Variants in RNF216 observed in about 807,000 individuals in gnomAD.
The protein encoded by RNF216 is E3 ubiquitin-protein ligase RNF216.
A neutral mutation model predicts 110.8 loss-of-function variants in RNF216; 72 were observed. The ratio of observed to expected loss-of-function variants is 0.65; its 90% CI spans 0.54 to 0.79. RNF216 has a LOEUF of 0.79. Among genes scored for constraint, RNF216 ranks in the 30% least tolerant of loss-of-function variants. RNF216 has a pLI of 0.00. For missense variants in RNF216, 1,342 were observed against 1,141.2 expected, an observed-to-expected ratio of 1.18 and a Z score of -2.54; for synonymous variants, 495 against 407.5, an observed-to-expected ratio of 1.21 and a Z score of -2.59.
chr7:5,710,613 A>G (rs777334833), intron 13 of RNF216, among the ~76,000 whole-genome samples: 1 of 152,158 alleles, frequency 6.6e-6, no homozygotes, highest in Non-Finnish European at 1.5e-5. Context: ...TCCCCACCTC[A>G]GGACAGTGTG....
At chr7:5,694,149 G>C (rs976098417) in intron 13 of RNF216, among the ~76,000 whole-genome samples, 1 of 152,174 alleles carries the variant, frequency 6.6e-6, no homozygotes. Flanking sequence ...GAGAAAAGAA[G>C]AATCCAGAAA....
chr7:5,692,406 T>C (rs1440179046), intron 13 of RNF216, among the ~76,000 whole-genome samples: 1 of 152,228 alleles, frequency 6.6e-6, no homozygotes, highest in East Asian at 1.9e-4. Flanking sequence ...AACCCATCCT[T>C]GTTAGTCAGA....
At chr7:5,690,248 A>G (rs1166374335) in intron 13 of RNF216, among the ~76,000 whole-genome samples, 1 of 151,424 alleles carries the variant, frequency 6.6e-6, no homozygotes, top group Non-Finnish European at 1.5e-5. Flanking sequence ...AATCTCTTGC[A>G]CACAGGAAGC....
intron 13 of RNF216, among the ~76,000 whole-genome samples, chr7:5,656,083 A>G (rs1011932648): frequency 6.6e-6 from 1 of 152,148 alleles, no homozygotes; most frequent in East Asian, 1.9e-4. Flanking sequence ...AGCCTGGGCA[A>G]CATGGTCAAA....
chr7:5,732,456 C>T (rs968185550), intron 5 of RNF216, among the ~76,000 whole-genome samples: 1 of 152,114 alleles, frequency 6.6e-6, no homozygotes, highest in African/African-American at 2.4e-5. Flanking sequence ...CTTGAAAAAA[C>T]AAAACATGTT....
At chr7:5,664,075 G>T (rs1313372469) in intron 13 of RNF216, among the ~76,000 whole-genome samples, 1 of 152,166 alleles carries the variant, frequency 6.6e-6, no homozygotes, top group African/African-American at 2.4e-5. Flanking sequence ...CCTAGCACTA[G>T]ATTTGAGCGG....
chr7:5,664,791 ATTC>A (rs1218173245), intron 13 of RNF216, among the ~76,000 whole-genome samples: 1 of 152,132 alleles, frequency 6.6e-6, no homozygotes, highest in Non-Finnish European at 1.5e-5. Flanking sequence ...GACACACAAA[ATTC>A]TTTTTTTTCT....
Position 5,741,602 on chromosome 7 carries a change from G to T in RNF216, c.415C>A (p.Pro139Thr), listed in dbSNP as rs1321587830. 1.2e-6 allele frequency: 2 copies of T among 1,613,966 alleles called. No individual in the cohort carries two copies. The highest frequency in any genetic ancestry group is 1.7e-6 in the Non-Finnish European group (2 of 1,180,030). ...TTAGTGAATTCAGAGATTCCAGGAG[G>T]CCCAAGATCCAGAAATTCACCGTAG... Reference protein sequence around the residue: ...DDYGEFLDLGPPGISEFTKPS... With the variant: ...DDYGEFLDLGTPGISEFTKPS... The change falls in exon 4 of 17, where the codon CCT becomes ACT. Residue 139 changes from proline to threonine, a missense_variant. Pro to Thr is a conservative substitution (Grantham distance 38). Transcript: ENST00000389902.
intron 5 of RNF216, among the ~76,000 whole-genome samples, chr7:5,735,547 A>G (rs1794345975): frequency 6.6e-6 from 1 of 150,702 alleles, no homozygotes; most frequent in South Asian, 2.1e-4. Flanking sequence ...ACGGTAGATG[A>G]GTTAAAAGGA....
intron 5 of RNF216, among the ~76,000 whole-genome samples, chr7:5,734,825 A>AAAATAAATAAATGAAT: frequency 8.5e-6 from 1 of 118,096 alleles, no homozygotes; most frequent in East Asian, 2.8e-4. Context: ...ACTCTCTCTC[A>AAAATAAATAAATGAAT]AAATAAATAA....
At chr7:5,627,640 G>A (rs1786793597) in intron 15 of RNF216, among the ~76,000 whole-genome samples, 1 of 151,960 alleles carries the variant, frequency 6.6e-6, no homozygotes. Flanking sequence ...CCAGCTACTC[G>A]GGAGGCTGAG....
chr7:5,758,796 G>C (rs532488418), intron 2 of RNF216, among the ~76,000 whole-genome samples: 2 of 152,266 alleles, frequency 1.3e-5, no homozygotes, highest in South Asian at 2.1e-4. Flanking sequence ...GAAGGGACTA[G>C]ACTTGTCACA....
At chr7:5,673,213 T>C (rs771813185) in intron 13 of RNF216, among the ~76,000 whole-genome samples, 10 of 152,148 alleles carry the variant, frequency 6.6e-5, no homozygotes, top group Non-Finnish European at 1.2e-4. Context: ...TCAGTGGTTA[T>C]TGAGATTCTT....
At chr7:5,631,623 CCTCTT>C (rs1332222455) in intron 15 of RNF216, among the ~76,000 whole-genome samples, 1 of 152,032 alleles carries the variant, frequency 6.6e-6, no homozygotes, top group Non-Finnish European at 1.5e-5. Context: ...CTCTTTCTGG[CCTCTT>C]CTCGTCACAA....
At chr7:5,708,514 C>G (rs369892501) in intron 13 of RNF216, among the ~76,000 whole-genome samples, 3 of 152,086 alleles carry the variant, frequency 2.0e-5, no homozygotes. Flanking sequence ...ATTCAAGTAC[C>G]CATACAATCA....
intron 1 of RNF216, among the ~76,000 whole-genome samples, chr7:5,776,127 T>C (rs988897202): frequency 2.0e-5 from 3 of 152,128 alleles, no homozygotes; most frequent in African/African-American, 7.2e-5. Flanking sequence ...CATATCCATA[T>C]GTGAAAGCTG....
chr7:5,679,668 C>A, intron 13 of RNF216, among the ~76,000 whole-genome samples: 1 of 152,318 alleles, frequency 6.6e-6, no homozygotes, highest in Non-Finnish European at 1.5e-5. Flanking sequence ...GAGAGAATAG[C>A]CCTGTCATGG....
chr7:5,707,069 G>A (rs181622667), intron 13 of RNF216, among the ~76,000 whole-genome samples: 4 of 152,322 alleles, frequency 2.6e-5, no homozygotes, highest in African/African-American at 9.6e-5. Context: ...CACCCTTGTT[G>A]AAGATCAGCT....
chr7:5,716,740 C>G lies in RNF216; in HGVS notation c.1671G>C (p.Gln557His). The change falls in exon 10 of 17, where the codon CAG becomes CAC. Residue 557 changes from glutamine to histidine, a missense_variant. Coordinates refer to ENST00000389902, the MANE Select transcript of RNF216 (RefSeq NM_207111.4). ...CCTTTTGATACTGTTCTTCATTCAT[C>G]TGTAGGGCAAGCAAAAAGTCTTCAT... ...AEHEDFLLALQMNEEQYQKDG... is the reference protein window; with the variant it reads ...AEHEDFLLALHMNEEQYQKDG... The G allele has an allele frequency of 6.2e-7, 1 of 1,606,964 alleles. No individual in the cohort carries two copies. Among genetic ancestry groups the G allele is most frequent in the Non-Finnish European group, 8.5e-7 (1 of 1,176,254 alleles).
Sources: gnomAD v4.1 joint callset for allele counts (sites outside exome capture counted in the v4.1 genomes callset) on GRCh38, gnomAD v4.1.1 for gene constraint, MANE v1.5 for transcripts, NCBI Gene and HGNC (gene_info 2026-07-23, HGNC 2026-07-21) for gene names.